PTPRN2: variants seen among roughly 807,000 people sequenced by gnomAD.
The protein encoded by PTPRN2 is receptor-type tyrosine-protein phosphatase N2.
Under a neutral mutation model 118.8 loss-of-function variants are expected in PTPRN2, and 74 were observed. The observed-to-expected ratio is 0.62, with a 90% CI of 0.52 to 0.76. PTPRN2 has a LOEUF of 0.76. PTPRN2 is among the 30% of genes least tolerant of loss of function. The pLI is 0.00. For synonymous variants in PTPRN2, 641 were observed against 608.0 expected (o/e 1.05, Z -0.80); for missense variants, 1,481 against 1,394.4 (o/e 1.06, Z -0.99).
chr7:158,522,496 G>A lies in PTPRN2; in HGVS notation c.113-32711C>T, dbSNP rs547124970. Among the ~76,000 whole-genome samples, 83 of 150,766 alleles carry A rather than the reference G, an allele frequency of 5.5e-4. 2 individuals are homozygous for A. Among genetic ancestry groups the A allele is most frequent in the African/African-American group, 1.9e-3 (76 of 40,344 alleles). On this transcript the variant is annotated intron_variant, in intron 1 of 22. Coordinates refer to ENST00000389418, the MANE Select transcript of PTPRN2 (RefSeq NM_002847.5). ...TCAGAATGGTGGACTGTTTTAAGAG[G>A]AAGGTCCACGTCAGAATGGACTGTC...
At chr7:158,148,482 C>A (rs1210913467) in intron 6 of PTPRN2, among the ~76,000 whole-genome samples, 1 of 140,434 alleles carries the variant, frequency 7.1e-6, no homozygotes, top group African/African-American at 2.7e-5. Flanking sequence ...CAATGACACC[C>A]CATCTCACGC....
intron 14 of PTPRN2, among the ~76,000 whole-genome samples, chr7:157,653,493 G>A (rs979964896): frequency 3.3e-5 from 5 of 152,170 alleles, no homozygotes; most frequent in Non-Finnish European, 7.3e-5. Flanking sequence ...TCTACAGCCT[G>A]TGTGTGCCAG....
chr7:158,118,525 A>G (rs1563459217), intron 9 of PTPRN2, among the ~76,000 whole-genome samples: 1 of 152,224 alleles, frequency 6.6e-6, no homozygotes, highest in African/African-American at 2.4e-5. Context: ...CAAATATTAA[A>G]ATGACAGAAG....
At chr7:157,589,975 G>C (rs1463018219) in intron 17 of PTPRN2, among the ~76,000 whole-genome samples, 1 of 152,192 alleles carries the variant, frequency 6.6e-6, no homozygotes, top group African/African-American at 2.4e-5. Context: ...CACCCCGGCT[G>C]TTTCCACCAA....
intron 3 of PTPRN2, among the ~76,000 whole-genome samples, chr7:158,221,785 T>C (rs1828397954): frequency 6.6e-6 from 1 of 152,108 alleles, no homozygotes; most frequent in African/African-American, 2.4e-5. Flanking sequence ...GAAGCTACAA[T>C]TCAAGATGAG....
chr7:158,112,385 C>T (rs149591174), intron 9 of PTPRN2, among the ~76,000 whole-genome samples: 4 of 152,260 alleles, frequency 2.6e-5, no homozygotes, highest in East Asian at 3.9e-4. Context: ...AAGGGGGCCG[C>T]GGTGCCACAT....
intron 6 of PTPRN2, among the ~76,000 whole-genome samples, chr7:158,152,108 A>T (rs1170049171): frequency 7.1e-6 from 1 of 141,556 alleles, no homozygotes; most frequent in African/African-American, 2.6e-5. Context: ...CGGGAGGCGG[A>T]GCTTGCAGTG....
At chr7:157,930,533 C>T (rs1165128969) in intron 11 of PTPRN2, among the ~76,000 whole-genome samples, 3 of 152,230 alleles carry the variant, frequency 2.0e-5, no homozygotes, top group African/African-American at 4.8e-5. Flanking sequence ...AGCACACACA[C>T]GTGACCGTCG....
At chr7:158,467,386 T>C (rs927117244) in intron 2 of PTPRN2, among the ~76,000 whole-genome samples, 1 of 152,182 alleles carries the variant, frequency 6.6e-6, no homozygotes, top group Non-Finnish European at 1.5e-5. Flanking sequence ...TTTTTCAACA[T>C]TTTCTCCCGC....
intron 12 of PTPRN2, among the ~76,000 whole-genome samples, chr7:157,742,971 A>G (rs1800718758): frequency 6.6e-6 from 1 of 152,254 alleles, no homozygotes; most frequent in African/African-American, 2.4e-5. Flanking sequence ...AACGTGATGC[A>G]TGATCCAACC....
intron 2 of PTPRN2, among the ~76,000 whole-genome samples, chr7:158,436,717 C>T (rs1004764200): frequency 1.3e-5 from 2 of 152,176 alleles, no homozygotes; most frequent in African/African-American, 4.8e-5. Context: ...TGTTTTCTTC[C>T]ATCACATGCG....
chr7:157,860,031 C>T (rs142801575), intron 12 of PTPRN2, among the ~76,000 whole-genome samples: 171 of 152,334 alleles, frequency 1.1e-3, no homozygotes, highest in African/African-American at 3.8e-3. Context: ...ACTGTACACA[C>T]TCCTGCAGGG....
At chr7:157,593,086 G>T (rs1266318122) in intron 17 of PTPRN2, among the ~76,000 whole-genome samples, 2 of 139,850 alleles carry the variant, frequency 1.4e-5, no homozygotes, top group Non-Finnish European at 3.1e-5. Flanking sequence ...TGTGGATGCC[G>T]AGAGGCTTCA....
At chr7:158,168,390 G>A (rs1823226117) in intron 5 of PTPRN2, among the ~76,000 whole-genome samples, 1 of 152,206 alleles carries the variant, frequency 6.6e-6, no homozygotes, top group Admixed American at 6.5e-5. Flanking sequence ...TAATGATGCT[G>A]CATCTTTGTG....
At chr7:158,085,949 C>T (rs973523196) in intron 10 of PTPRN2, among the ~76,000 whole-genome samples, 2 of 148,972 alleles carry the variant, frequency 1.3e-5, no homozygotes, top group Admixed American at 6.7e-5. Flanking sequence ...TCCACATACA[C>T]GACGCCCATC....
At chr7:158,423,252 C>T (rs1815409395) in intron 2 of PTPRN2, among the ~76,000 whole-genome samples, 1 of 152,258 alleles carries the variant, frequency 6.6e-6, no homozygotes, top group Non-Finnish European at 1.5e-5. Flanking sequence ...CATGTTCTAT[C>T]CCCTGCTGCT....
chr7:157,878,379 G>A (rs1795912372), intron 12 of PTPRN2, among the ~76,000 whole-genome samples: 1 of 149,486 alleles, frequency 6.7e-6, no homozygotes, highest in African/African-American at 2.5e-5. Context: ...TACTCACCGA[G>A]AAGCTCTCGG....
At chr7:158,333,929 A>C (rs1183990839) in intron 2 of PTPRN2, among the ~76,000 whole-genome samples, 1 of 103,048 alleles carries the variant, frequency 9.7e-6, no homozygotes, top group Non-Finnish European at 1.9e-5. Flanking sequence ...CCACACTCTC[A>C]CCATAAGAGC....
intron 5 of PTPRN2, among the ~76,000 whole-genome samples, chr7:158,171,003 A>G (rs1823501784): frequency 6.7e-6 from 1 of 148,698 alleles, no homozygotes; most frequent in Non-Finnish European, 1.5e-5. Flanking sequence ...ACATACATAT[A>G]TATATACACA....
Sources: allele counts gnomAD v4.1 joint callset (sites outside exome capture counted in the v4.1 genomes callset), GRCh38; gene constraint gnomAD v4.1.1; transcripts MANE v1.5; gene names NCBI Gene and HGNC (gene_info 2026-07-23, HGNC 2026-07-21).